Variants in TLN2 observed in about 807,000 individuals in gnomAD.
TLN2 encodes the protein talin-2.
In TLN2, 118 loss-of-function variants were observed where a neutral mutation model predicts 294.7. The ratio of observed to expected loss-of-function variants is 0.40; its 90% CI spans 0.34 to 0.47. The LOEUF is 0.47. Ranked by LOEUF, TLN2 falls within the 20% of genes least tolerant of loss-of-function variation. TLN2 has a pLI of 0.84. For missense variants in TLN2, 3,083 were observed against 3,282.2 expected (o/e 0.94, Z 1.48); for synonymous variants, 1,431 against 1,304.5 (o/e 1.10, Z -2.09).
At chr15:62,512,371 C>T (rs2039978508) in intron 1 of TLN2, among the ~76,000 whole-genome samples, 1 of 152,048 alleles carries the variant, frequency 6.6e-6, no homozygotes, top group South Asian at 2.1e-4. Context: ...AATTATTTCC[C>T]TTCCTTTCTT....
At chr15:62,701,969 G>A (rs777980913) in intron 17 of TLN2, 23 bp from the exon 18 acceptor site, 3 of 1,612,108 alleles carry the variant, frequency 1.9e-6, no homozygotes. Flanking sequence ...TCCTTTGATG[G>A]GGATGGTTCT....
intron 1 of TLN2, among the ~76,000 whole-genome samples, chr15:62,511,114 G>A (rs568172150): frequency 2.6e-5 from 4 of 152,338 alleles, no homozygotes; most frequent in Admixed American, 2.6e-4. Context: ...GACCCCTCCT[G>A]TGGTTGTACT....
chr15:62,725,077 C>G lies in TLN2; in HGVS notation c.3228C>G (p.Ser1076Arg). The G allele has an allele frequency of 1.2e-6, 2 of 1,612,570 alleles. No homozygotes were observed. Among genetic ancestry groups the G allele is most frequent in the Non-Finnish European group, 1.7e-6 (2 of 1,179,402 alleles). ...ATGCCAAGATGGCAGCCGTGGAGAGCCAGCTGAAGCCACTTCCAGGGGAAA... is the reference window on the plus strand; with the variant it reads ...ATGCCAAGATGGCAGCCGTGGAGAGGCAGCTGAAGCCACTTCCAGGGGAAA... ...LQDAKMAAVE[S>R]QLKPLPGETL... Residue 1076 changes from serine (S) to arginine (R), a missense_variant, in exon 27 of 59, where the codon AGC becomes AGG. Ser to Arg is a moderately radical substitution (Grantham distance 110). Transcript: ENST00000636159.
intron 36 of TLN2, chr15:62,755,292 C>T: frequency 2.1e-6 from 1 of 466,028 alleles, no homozygotes; most frequent in Middle Eastern, 5.6e-4. Context: ...ACCTGGGGCT[C>T]AGCCTATCCC....
At chr15:62,783,455 G>A (rs570151666) in intron 44 of TLN2, among the ~76,000 whole-genome samples, 138 of 152,336 alleles carry the variant, frequency 9.1e-4, no homozygotes, top group African/African-American at 3.2e-3. Context: ...CCTGCCAGAG[G>A]GTGGGCCCTG....
intron 52 of TLN2, among the ~76,000 whole-genome samples, chr15:62,811,171 G>C (rs1349618797): frequency 6.6e-6 from 1 of 152,130 alleles, no homozygotes; most frequent in Non-Finnish European, 1.5e-5. Context: ...GTCATTTAAG[G>C]GATCATTATT....
intron 1 of TLN2, among the ~76,000 whole-genome samples, chr15:62,427,522 G>A (rs1344474152): frequency 1.3e-5 from 2 of 152,118 alleles, no homozygotes; most frequent in Admixed American, 1.3e-4. Context: ...TATGGAGTTG[G>A]GGTGAGAGCT....
At chr15:62,463,016 G>A (rs745736155) in intron 1 of TLN2, among the ~76,000 whole-genome samples, 54 of 152,252 alleles carry the variant, frequency 3.5e-4, no homozygotes, top group Middle Eastern at 3.4e-3. Context: ...CCGTGGCCAC[G>A]GGGGTACTTA....
intron 4 of TLN2, among the ~76,000 whole-genome samples, chr15:62,649,093 C>T (rs1295313438): frequency 6.6e-6 from 1 of 152,140 alleles, no homozygotes; most frequent in Non-Finnish European, 1.5e-5. Context: ...ACTGATCCAC[C>T]CACCTCTCAA....
Position 62,722,398 on chromosome 15 carries a change from G to A in TLN2, c.3037G>A (p.Val1013Met), listed in dbSNP as rs141513413. ...CTCTGCCAAAGCCGCAGTGCCCACC[G>A]TGAGTGACCAGGCCGCAGCCATGCA... Reference protein sequence around the residue: ...VSSAKAAVPTVSDQAAAMQLS... With the variant: ...VSSAKAAVPTMSDQAAAMQLS... Residue 1013 changes from valine to methionine, a missense_variant, in exon 26 of 59, where the codon GTG (valine) becomes ATG (methionine). By Grantham distance (21) the Val-to-Met change is conservative (BLOSUM62 1). Coordinates refer to ENST00000636159, the MANE Select transcript of TLN2 (RefSeq NM_015059.3). 54 of 1,613,216 alleles carry A rather than the reference G, an allele frequency of 3.3e-5. No individual in the cohort carries two copies. Among genetic ancestry groups the A allele is most frequent in the Admixed American group, 2.3e-4 (14 of 59,990 alleles).
intron 3 of TLN2, among the ~76,000 whole-genome samples, chr15:62,625,238 A>G (rs1230027585): frequency 6.6e-6 from 1 of 152,052 alleles, no homozygotes; most frequent in Non-Finnish European, 1.5e-5. Context: ...CCCATGACCT[A>G]CTTTTCTGGT....
intron 1 of TLN2, among the ~76,000 whole-genome samples, chr15:62,410,783 C>T (rs1234224139): frequency 1.3e-5 from 2 of 152,150 alleles, no homozygotes; most frequent in Admixed American, 1.3e-4. Flanking sequence ...GATGAAGAAG[C>T]CGAGGTGCAG....
chr15:62,693,454 T>C (rs1243428502), intron 13 of TLN2, among the ~76,000 whole-genome samples: 1 of 152,228 alleles, frequency 6.6e-6, no homozygotes, highest in Non-Finnish European at 1.5e-5. Context: ...TTGTGTCATT[T>C]ACTACCAGGC....
chr15:62,638,530 CTG>C (rs1467370549), intron 3 of TLN2: 1 of 456,064 alleles, frequency 2.2e-6, no homozygotes, highest in Non-Finnish European at 4.4e-6. Context: ...TCTCTGTTCA[CTG>C]TGGCAGTGTG....
chr15:62,703,671 T>G (rs1037828731), intron 19 of TLN2, among the ~76,000 whole-genome samples: 4 of 151,650 alleles, frequency 2.6e-5, no homozygotes, highest in Non-Finnish European at 5.9e-5. Context: ...AGAGAGAATT[T>G]CCTTTGTACT....
At chr15:62,647,984 T>G (rs2052097886) in intron 4 of TLN2, among the ~76,000 whole-genome samples, 1 of 152,194 alleles carries the variant, frequency 6.6e-6, no homozygotes, top group Non-Finnish European at 1.5e-5. Context: ...CAAAAGCCAC[T>G]TGTACCATTT....
At chr15:62,763,820 A>G (rs2062825100) in intron 40 of TLN2, 125 bp downstream of exon 40, 1 of 1,355,594 alleles carries the variant, frequency 7.4e-7, no homozygotes, top group Non-Finnish European at 9.7e-7. Context: ...TCACCATTAG[A>G]CAGCCATTCT....
At chr15:62,457,177 A>C (rs1231574703) in intron 1 of TLN2, among the ~76,000 whole-genome samples, 1 of 152,182 alleles carries the variant, frequency 6.6e-6, no homozygotes, top group African/African-American at 2.4e-5. Context: ...GGGTGCTAGC[A>C]TGATTGGGTT....
chr15:62,585,165 C>G (rs2045487216), intron 1 of TLN2, among the ~76,000 whole-genome samples: 1 of 152,202 alleles, frequency 6.6e-6, no homozygotes, highest in South Asian at 2.1e-4. Flanking sequence ...AGATCCCCTT[C>G]AACTTACACC....
Sources: allele counts gnomAD v4.1 joint callset (sites outside exome capture counted in the v4.1 genomes callset), GRCh38; gene constraint gnomAD v4.1.1; transcripts MANE v1.5; gene names NCBI Gene and HGNC (gene_info 2026-07-23, HGNC 2026-07-21).